Variants in MCF2L observed in about 807,000 individuals in gnomAD.
The protein encoded by MCF2L is guanine nucleotide exchange factor DBS.
In MCF2L, 97 loss-of-function variants were observed where a neutral mutation model predicts 153.4. The observed-to-expected ratio is 0.63, with a 90% CI of 0.54 to 0.75. The LOEUF is 0.75. Among genes scored for constraint, MCF2L ranks in the 30% least tolerant of loss-of-function variants. The pLI is 0.00. For synonymous variants in MCF2L, 659 were observed against 632.2 expected, an observed-to-expected ratio of 1.04 and a Z score of -0.64; for missense variants, 1,347 against 1,495.2, an observed-to-expected ratio of 0.90 and a Z score of 1.64.
chr13:112,980,064 T>G (rs906998371), intron 1 of MCF2L, among the ~76,000 whole-genome samples: 30 of 152,168 alleles, frequency 2.0e-4, no homozygotes, highest in African/African-American at 6.3e-4. Context: ...GCGGCAGTGG[T>G]GGGTTTAATG....
intron 3 of MCF2L, among the ~76,000 whole-genome samples, chr13:113,033,327 G>T (rs1336199026): frequency 1.2e-4 from 13 of 110,420 alleles, no homozygotes; most frequent in East Asian, 7.2e-4. Flanking sequence ...CCTGTGGCGT[G>T]AGTGGCCCCC....
chr13:112,981,987 G>A (rs748299696), intron 1 of MCF2L, among the ~76,000 whole-genome samples: 4 of 152,220 alleles, frequency 2.6e-5, no homozygotes, highest in Non-Finnish European at 5.9e-5. Flanking sequence ...GCAGGCCCCG[G>A]TCAGGGCTGG....
chr13:113,015,964 A>G lies in MCF2L; in HGVS notation c.163+1118A>G, dbSNP rs538449763. ...CCCAGCCTCTCCCCGCCCCTTTCAC[A>G]ACCCCAAAGAGGCTCACAGCTTTGC... is the stretch of plus-strand genomic sequence containing the variant. On this transcript the variant is annotated intron_variant, in intron 2 of 29. Transcript: ENST00000535094. 1.7e-3 allele frequency among the ~76,000 whole-genome samples: 251 copies of G among 152,120 alleles called. 1 individual carries two copies. The highest frequency in any genetic ancestry group is 5.5e-3 in the African/African-American group (229 of 41,500).
At chr13:112,975,495 T>C (rs1488006897) in intron 1 of MCF2L, among the ~76,000 whole-genome samples, 1 of 152,180 alleles carries the variant, frequency 6.6e-6, no homozygotes, top group Non-Finnish European at 1.5e-5. Context: ...GACAATCAAA[T>C]GAGTTAAATC....
chr13:112,900,162 A>G (rs1476617053), intron 1 of MCF2L, among the ~76,000 whole-genome samples: 1 of 152,136 alleles, frequency 6.6e-6, no homozygotes, highest in Non-Finnish European at 1.5e-5. Flanking sequence ...ACAAAACAGC[A>G]TTTTGCTTTT....
intron 2 of MCF2L, among the ~76,000 whole-genome samples, chr13:112,928,616 G>A (rs1162843051): frequency 6.6e-6 from 1 of 152,176 alleles, no homozygotes; most frequent in East Asian, 1.9e-4. Context: ...TTGTTTTATA[G>A]GAGCATTGGC....
Position 113,046,782 on chromosome 13 carries a change from C to A in MCF2L, c.369+1421C>A, listed in dbSNP as rs573665894. ...TGACCCTGACTCAACCTGGCACACACCACCTATGGCATCGTTATCTGAAAT... is the reference window on the plus strand; with the variant it reads ...TGACCCTGACTCAACCTGGCACACAACACCTATGGCATCGTTATCTGAAAT... On this transcript the variant is annotated intron_variant, in intron 4 of 29. Transcript: ENST00000535094. The surrounding 1 kb of genome is among the most constrained non-coding windows in gnomAD (Gnocchi z 4.4). 2.4e-6 allele frequency: 1 copy of A among 423,608 alleles called. No individual in the cohort carries two copies. The highest frequency in any genetic ancestry group is 4.7e-6 in the Non-Finnish European group (1 of 211,514). The allele number at this position is 423,608 out of a possible 1,614,324, so 26.2% of individuals were successfully genotyped here. A position where few individuals can be genotyped will look rare whatever the true frequency, so the allele number is the denominator to read the frequency against.
At chr13:112,973,163 T>C (rs956360653) in intron 1 of MCF2L, among the ~76,000 whole-genome samples, 2 of 152,080 alleles carry the variant, frequency 1.3e-5, no homozygotes, top group African/African-American at 4.8e-5. Context: ...AGCCCAGCGG[T>C]TTCTGACGGA....
intron 2 of MCF2L, among the ~76,000 whole-genome samples, chr13:112,924,720 T>C (rs2081385911): frequency 6.6e-6 from 1 of 152,200 alleles, no homozygotes; most frequent in Non-Finnish European, 1.5e-5. Flanking sequence ...TTTTTCTTTC[T>C]CAGGGTGCTA....
intron 2 of MCF2L, among the ~76,000 whole-genome samples, chr13:112,903,426 G>T (rs550405017): frequency 6.6e-6 from 1 of 152,132 alleles, no homozygotes; most frequent in African/African-American, 2.4e-5. Flanking sequence ...CTCCTGTTTC[G>T]TGTCTTCAGG....
chr13:112,959,726 A>G lies in MCF2L; in HGVS notation c.170-55037A>G, dbSNP rs1386155202. 2.0e-5 allele frequency among the ~76,000 whole-genome samples: 3 copies of G among 152,352 alleles called. No individual in the cohort carries two copies. In the East Asian group the frequency reaches 5.8e-4, roughly 29 times the overall value. The stretch of plus-strand genomic sequence containing the variant: ...GTTGGCAAGAGGGATGTCAAAACCC[A>G]AAAGTGAATTATTGGTAGCAACCCA... On this transcript the variant is annotated intron_variant, in intron 2 of 29. Coordinates refer to the MCF2L transcript ENST00000375608.
At chr13:112,986,765 G>A (rs558458279) in intron 1 of MCF2L, among the ~76,000 whole-genome samples, 2 of 152,352 alleles carry the variant, frequency 1.3e-5, no homozygotes, top group Admixed American at 6.5e-5. Context: ...CCTCAGTCCT[G>A]CAGCCGGGTC....
chr13:113,072,437 G>C (rs2033013972), intron 9 of MCF2L, among the ~76,000 whole-genome samples: 1 of 152,200 alleles, frequency 6.6e-6, no homozygotes, highest in East Asian at 1.9e-4. Flanking sequence ...ACCTTAGGAG[G>C]AAAGTGTTTA....
At chr13:113,063,097 G>A (rs1029887564) in intron 5 of MCF2L, among the ~76,000 whole-genome samples, 2 of 152,232 alleles carry the variant, frequency 1.3e-5, no homozygotes, top group East Asian at 1.9e-4. Flanking sequence ...ATCACAGGCC[G>A]CACTCGTGTG....
chr13:113,092,873 C>T (rs1394543643), intron 26 of MCF2L, among the ~76,000 whole-genome samples: 1 of 152,236 alleles, frequency 6.6e-6, no homozygotes, highest in Non-Finnish European at 1.5e-5. Context: ...CAGGGCAGCT[C>T]AAGAATCCTT....
Position 113,028,901 on chromosome 13 carries a change from G to A in MCF2L, c.278+4143G>A, listed in dbSNP as rs957779411. Among the ~76,000 whole-genome samples the A allele has an allele frequency of 3.3e-5, 5 of 150,704 alleles. No homozygotes were observed. Among genetic ancestry groups the A allele is most frequent in the Non-Finnish European group, 5.9e-5 (4 of 67,622 alleles). ...GGGGTATGTGTGGTGTGTGTGTAAT[G>A]TGAGCATGTGGCATGTGTGGGGTAA... is the stretch of plus-strand genomic sequence containing the variant. On this transcript the variant is annotated intron_variant, in intron 3 of 29. Coordinates refer to ENST00000535094, the MANE Select transcript of MCF2L (RefSeq NM_001112732.3). The surrounding 1 kb of genome is among the most constrained non-coding windows in gnomAD (Gnocchi z 5.4).
chr13:113,023,376 G>C (rs1024611556), intron 2 of MCF2L, among the ~76,000 whole-genome samples: 2 of 152,232 alleles, frequency 1.3e-5, no homozygotes, highest in Admixed American at 6.5e-5. Context: ...AGGGAGCCTC[G>C]GGGGCCCAGC....
chr13:112,951,549 G>C lies in MCF2L; in HGVS notation c.169+49178G>C, dbSNP rs1023336910. ...GATGAACTCTCCAGAGAATTATGCT[G>C]AGTGAAAAAAGCCAATTCCAAAAGG... On this transcript the variant is annotated intron_variant, in intron 2 of 29. Coordinates refer to the MCF2L transcript ENST00000375608. The surrounding 1 kb of genome is among the most constrained non-coding windows in gnomAD (Gnocchi z 4.8). Among the ~76,000 whole-genome samples the C allele has an allele frequency of 1.3e-5, 2 of 152,180 alleles. No homozygotes were observed. Among genetic ancestry groups the C allele is most frequent in the Admixed American group, 6.5e-5 (1 of 15,278 alleles).
chr13:112,994,660 G>C (rs144742157), intron 1 of MCF2L, among the ~76,000 whole-genome samples: 1 of 152,244 alleles, frequency 6.6e-6, no homozygotes, highest in Non-Finnish European at 1.5e-5. Context: ...GTGAGGCCGC[G>C]CGATGTCCTT....
Sources: allele counts gnomAD v4.1 joint callset (sites outside exome capture counted in the v4.1 genomes callset), GRCh38; gene constraint gnomAD v4.1.1; non-coding constraint Gnocchi (gnomAD v3.1); transcripts MANE v1.5; gene names NCBI Gene and HGNC (gene_info 2026-07-23, HGNC 2026-07-21).